Variants in MAP3K7 observed in about 807,000 individuals in gnomAD.
The protein encoded by MAP3K7 is TGF-beta activated kinase 1.
In MAP3K7, 21 loss-of-function variants were observed where a neutral mutation model predicts 84.8. That is an observed-to-expected ratio of 0.25 (90% CI 0.18 to 0.36). MAP3K7 has a LOEUF of 0.36. Ranked by LOEUF, MAP3K7 falls within the 10% of genes least tolerant of loss-of-function variation. MAP3K7 has a pLI of 1.00. For missense variants in MAP3K7, 503 were observed against 747.7 expected (o/e 0.67, Z 3.82); for synonymous variants, 241 against 247.7 (o/e 0.97, Z 0.25).
At chr6:90,555,099 T>G (rs1776293468) in intron 6 of MAP3K7, among the ~76,000 whole-genome samples, 1 of 152,258 alleles carries the variant, frequency 6.6e-6, no homozygotes, top group South Asian at 2.1e-4. Context: ...TTCTTTCATT[T>G]AAAAGATAAT....
chr6:90,522,280 G>A (rs1775177836), intron 14 of MAP3K7, among the ~76,000 whole-genome samples: 1 of 152,142 alleles, frequency 6.6e-6, no homozygotes, highest in Admixed American at 6.6e-5. Context: ...TAGCAGTTAT[G>A]TGAGAGAGAG....
chr6:90,564,134 T>C (rs979421424), intron 3 of MAP3K7, among the ~76,000 whole-genome samples: 8 of 152,154 alleles, frequency 5.3e-5, no homozygotes, highest in Non-Finnish European at 1.0e-4. Context: ...GTAAAGACCA[T>C]TGATGCCAGG....
At chr6:90,551,730 ACTAT>A (rs1179644083) in intron 8 of MAP3K7, 11 of 203,154 alleles carry the variant, frequency 5.4e-5, no homozygotes, top group East Asian at 4.2e-4. Flanking sequence ...GGCTTTAGAG[ACTAT>A]CTATTTCAGT....
At chr6:90,556,479 A>C in intron 6 of MAP3K7, 21 bp downstream of exon 6, 1 of 1,607,688 alleles carries the variant, frequency 6.2e-7, no homozygotes. Context: ...TATCAAACAT[A>C]CCATACTTTT....
At chr6:90,552,318 G>T in intron 7 of MAP3K7, 139 bp from the exon 8 acceptor site, 2 of 759,470 alleles carry the variant, frequency 2.6e-6, no homozygotes, top group Non-Finnish European at 4.1e-6. Flanking sequence ...TAATAAAAGT[G>T]CTTTGTAATT....
chr6:90,571,941 A>G (rs1254509532), intron 1 of MAP3K7, 134 bp from the exon 2 acceptor site: 3 of 486,996 alleles, frequency 6.2e-6, no homozygotes, highest in Non-Finnish European at 1.1e-5. Flanking sequence ...ATGGAAATCA[A>G]CAGTATCTGG....
chr6:90,556,784 T>G (rs1338779168), intron 5 of MAP3K7, among the ~76,000 whole-genome samples, 160 bp from the exon 6 acceptor site: 1 of 152,220 alleles, frequency 6.6e-6, no homozygotes, highest in Non-Finnish European at 1.5e-5. Flanking sequence ...TATAAAAGCC[T>G]AATAGTTCAG....
Position 90,586,790 on chromosome 6 carries a change from C to G in MAP3K7, c.94G>C (p.Asp32His). The G allele has an allele frequency of 3.7e-6, 6 of 1,607,766 alleles. No individual in the cohort carries two copies. The highest frequency in any genetic ancestry group is 5.1e-6 in the Non-Finnish European group (6 of 1,177,386). ...TCTTCCACCTCGATCTCCTTGTAGT[C>G]GATCTCTTCAAAGTTGAGGACCTGG... ...PSQVLNFEEI[D>H]YKEIEVEEVV... is the part of the protein sequence containing the mutation. The change falls in exon 1 of 17, where the codon GAC (aspartate) becomes CAC (histidine). Residue 32 changes from aspartate to histidine, a missense_variant. Coordinates refer to ENST00000369329, the MANE Select transcript of MAP3K7 (RefSeq NM_145331.3).
At chr6:90,530,550 T>C (rs567137779) in intron 13 of MAP3K7, among the ~76,000 whole-genome samples, 1 of 152,162 alleles carries the variant, frequency 6.6e-6, no homozygotes, top group Non-Finnish European at 1.5e-5. Flanking sequence ...CTAAGAAATA[T>C]AAGGCTTGCA....
rs997005046 is a variant in MAP3K7, at chr6:90,513,591, A to C, written c.*2910T>G. 3.9e-5 allele frequency: 6 copies of C among 152,176 alleles called. No homozygotes were observed. The highest frequency in any genetic ancestry group is 8.8e-5 in the Non-Finnish European group (6 of 68,016). The allele number at this position is 152,176 out of a possible 1,614,324, so 9.4% of individuals were successfully genotyped here. ...TTTTATGTACCAGTTTAGAATAGGA[A>C]TCTGAATTTTATTAAAAACAAAAAT... On this transcript the variant is annotated 3_prime_UTR_variant, in exon 17 of 17. Coordinates refer to ENST00000369329, the MANE Select transcript of MAP3K7 (RefSeq NM_145331.3).
intron 4 of MAP3K7, among the ~76,000 whole-genome samples, chr6:90,561,386 C>G (rs959313074): frequency 6.6e-6 from 1 of 152,030 alleles, no homozygotes; most frequent in African/African-American, 2.4e-5. Flanking sequence ...TACTTAAATG[C>G]TTTTAATGAA....
chr6:90,544,799 G>A (rs1485951963), intron 11 of MAP3K7, among the ~76,000 whole-genome samples, 167 bp from the exon 12 acceptor site: 6 of 152,024 alleles, frequency 3.9e-5, no homozygotes, highest in Admixed American at 6.6e-5. Context: ...CAGAAAAGGC[G>A]AGATTAAAGA....
chr6:90,543,129 T>A (rs961281286), intron 12 of MAP3K7, among the ~76,000 whole-genome samples: 4 of 152,084 alleles, frequency 2.6e-5, no homozygotes, highest in East Asian at 1.9e-4. Context: ...TTAAAGTACG[T>A]CCCTTATACA....
chr6:90,560,256 A>G (rs1037286568), intron 4 of MAP3K7, 42 bp from the exon 5 acceptor site: 2 of 1,608,906 alleles, frequency 1.2e-6, no homozygotes, highest in African/African-American at 1.3e-5. Flanking sequence ...TTTATTGCAT[A>G]TAACAAAAGA....
intron 1 of MAP3K7, among the ~76,000 whole-genome samples, chr6:90,576,589 C>T (rs2127783127): frequency 6.6e-6 from 1 of 152,250 alleles, no homozygotes; most frequent in South Asian, 2.1e-4. Context: ...ACTGATGATA[C>T]AAGAGTGAAC....
In MAP3K7 at chr6:90,527,882, T is replaced by A. The variant is rs1361160746; in HGVS notation, c.1357-4099A>T. Among the ~76,000 whole-genome samples, 5 of 36,426 alleles carry A rather than the reference T, an allele frequency of 1.4e-4. 2 individuals are homozygous for A. Among genetic ancestry groups the A allele is most frequent in the Admixed American group, 5.7e-4 (3 of 5,290 alleles). 23.9% of individuals were successfully genotyped at this position (36,426 alleles called of 152,430 possible). Reference sequence around the variant, plus strand: ...TCATAAGGACTTTTTTTTTTTTTTTTTTTTTTTTTTTTTTGAGACGGAGTC... The same window carrying A: ...TCATAAGGACTTTTTTTTTTTTTTTATTTTTTTTTTTTTTGAGACGGAGTC... On this transcript the variant is annotated intron_variant, in intron 13 of 16. Transcript: ENST00000369329.
At chr6:90,556,683 TAAAAG>T in intron 5 of MAP3K7, 59 bp from the exon 6 acceptor site, 2 of 1,499,586 alleles carry the variant, frequency 1.3e-6, no homozygotes, top group Non-Finnish European at 9.0e-7. Flanking sequence ...TATTCTACAA[TAAAAG>T]AAGAGACATT....
At chr6:90,553,029 T>TA (rs1776228958) in intron 7 of MAP3K7, among the ~76,000 whole-genome samples, 1 of 152,236 alleles carries the variant, frequency 6.6e-6, no homozygotes, top group South Asian at 2.1e-4. Flanking sequence ...GAAGCATTAT[T>TA]ATTCTTTGCT....
chr6:90,576,667 G>A (rs935146176), intron 1 of MAP3K7, among the ~76,000 whole-genome samples: 2 of 152,110 alleles, frequency 1.3e-5, no homozygotes, highest in African/African-American at 2.4e-5. Flanking sequence ...AAAAGGAAGG[G>A]AGTTGTGTGC....
Sources: allele counts gnomAD v4.1 joint callset (sites outside exome capture counted in the v4.1 genomes callset), GRCh38; gene constraint gnomAD v4.1.1; transcripts MANE v1.5; gene names NCBI Gene and HGNC (gene_info 2026-07-23, HGNC 2026-07-21).